The following SRGAP3 variants were observed in gnomAD, a reference collection of about 807,000 sequenced individuals.
SRGAP3 encodes SLIT-ROBO Rho GTPase activating protein 3, also known as SLIT-ROBO Rho GTPase-activating protein 3.
In SRGAP3, 39 loss-of-function variants were observed where a neutral mutation model predicts 121.1. That is an observed-to-expected ratio of 0.32 (90% confidence interval 0.25 to 0.42). SRGAP3 has a LOEUF of 0.42. SRGAP3 is among the 10% of genes least tolerant of loss of function. SRGAP3 has a pLI of 1.00. For synonymous variants in SRGAP3, 601 were observed against 570.0 expected, an observed-to-expected ratio of 1.05 and a Z score of -0.77; for missense variants, 1,213 against 1,470.6, an observed-to-expected ratio of 0.82 and a Z score of 2.86.
rs996086968 is a variant in SRGAP3 at position 9,064,641 on chromosome 3, G to C, written c.487-60C>G. ...GCTATGGCCCAGCACGGCCCTCCCTGTTACTCCTGGCTCCATACCAAGTTC... is the reference window on the plus strand; with the variant it reads ...GCTATGGCCCAGCACGGCCCTCCCTCTTACTCCTGGCTCCATACCAAGTTC... On this transcript the variant is annotated intron_variant, in intron 4 of 21. Transcript: ENST00000383836. The C allele has an allele frequency of 5.3e-5, 84 of 1,586,984 alleles. No individual in the cohort carries two copies. The African/African-American group carries it at 9.3e-4, about 18-fold the overall frequency.
rs559984735 is a variant in SRGAP3, at chr3:8,982,351, T to C, written c.*3168A>G. On this transcript the variant is annotated 3_prime_UTR_variant, in exon 22 of 22. Transcript: ENST00000383836. ...GCTTTCAATAATGGTGATGAACAAGTAGGTAAACACCACTTCCCCTTGTAC... is the reference window on the plus strand; with the variant it reads ...GCTTTCAATAATGGTGATGAACAAGCAGGTAAACACCACTTCCCCTTGTAC... 1 of 226,206 alleles carries C rather than the reference T, an allele frequency of 4.4e-6. No homozygotes were observed. The highest frequency in any genetic ancestry group is 8.8e-6 in the Non-Finnish European group (1 of 113,480). The allele number at this position is 226,206 out of a possible 1,614,324, so 14.0% of individuals were successfully genotyped here. A position where few individuals can be genotyped will look rare whatever the true frequency, so the allele number is the denominator to read the frequency against.
chr3:9,073,573 AC>A (rs1188577195), intron 4 of SRGAP3, among the ~76,000 whole-genome samples: 1 of 152,298 alleles, frequency 6.6e-6, no homozygotes. Context: ...TGAGCTGGCC[AC>A]CTGGGCTCTC....
At chr3:9,305,674 CT>C (rs1376228969) in intron 3 of SRGAP3, among the ~76,000 whole-genome samples, 1 of 151,894 alleles carries the variant, frequency 6.6e-6, no homozygotes, top group Non-Finnish European at 1.5e-5. Flanking sequence ...GTTTTCTGTC[CT>C]TGTGATAGTT....
chr3:9,014,687 AAG>A (rs1943543796), intron 15 of SRGAP3: 1 of 152,174 alleles, frequency 6.6e-6, no homozygotes, highest in Admixed American at 6.6e-5. Context: ...GTGTGGAGGG[AAG>A]AGAGGAACAG....
intron 1 of SRGAP3, among the ~76,000 whole-genome samples, chr3:9,208,884 G>C (rs1480991035): frequency 6.6e-6 from 1 of 152,186 alleles, no homozygotes. Flanking sequence ...GCATTAACTG[G>C]AGCAAATGGC....
At chr3:9,125,666 TCACAGCTGAATGCCAATAAC>T (rs1398117136) in intron 1 of SRGAP3, among the ~76,000 whole-genome samples, 1 of 152,214 alleles carries the variant, frequency 6.6e-6, no homozygotes, top group Non-Finnish European at 1.5e-5. Flanking sequence ...GAGTTAAAAA[TCACAGCTGAATGCCAATAAC>T]CACATCCATT....
At position 8,982,700 on chromosome 3, in the gene SRGAP3, G is replaced by A. The variant is rs1240444597; in HGVS notation, c.*2819C>T. ...CATGCATAGTGCCAGATGAGGAAGTGGGAACAGGGGAGGGGGGCGGGAAAG... is the reference window on the plus strand; with the variant it reads ...CATGCATAGTGCCAGATGAGGAAGTAGGAACAGGGGAGGGGGGCGGGAAAG... On this transcript the variant is annotated 3_prime_UTR_variant, in exon 22 of 22. Coordinates refer to ENST00000383836, the MANE Select transcript of SRGAP3 (RefSeq NM_014850.4). 13 of 131,552 alleles carry A rather than the reference G, an allele frequency of 9.9e-5. No homozygotes were observed. The highest frequency in any genetic ancestry group is 1.9e-4 in the Non-Finnish European group (12 of 63,898). 8.1% of individuals were successfully genotyped at this position (131,552 alleles called of 1,614,324 possible).
rs376712507 is a variant in SRGAP3 at position 8,985,660 on chromosome 3, G to A, written c.3159C>T (p.Arg1053=). Residue 1053 remains arginine, a synonymous_variant, in exon 22 of 22, where the codon CGC becomes CGT. Transcript: ENST00000383836. The surrounding 1 kb of genome is among the most constrained non-coding windows in gnomAD (Gnocchi z 5.1). The part of the protein sequence containing the change: ...LSARLAGAQL[R]PPPMRPVRPV... ...GCCGCACGGGCCGCATGGGGGGCGG[G>A]CGGAGCTGGGCGCCAGCCAGGCGGG... 7.5e-6 allele frequency: 12 copies of A among 1,596,054 alleles called. No homozygotes were observed. Among genetic ancestry groups the A allele is most frequent in the Middle Eastern group, 1.8e-4 (1 of 5,516 alleles).
chr3:9,342,069 G>A (rs940918015), intron 1 of SRGAP3, among the ~76,000 whole-genome samples: 1 of 152,142 alleles, frequency 6.6e-6, no homozygotes, highest in Non-Finnish European at 1.5e-5. Flanking sequence ...CTAAAAATCA[G>A]GCCGGGGGTG....
intron 1 of SRGAP3, among the ~76,000 whole-genome samples, chr3:9,177,789 T>C (rs570434649): frequency 3.7e-4 from 57 of 152,306 alleles, no homozygotes; most frequent in African/African-American, 1.3e-3. Context: ...GAATTAACTT[T>C]AACTCCTACT....
chr3:9,216,706 C>A (rs1301744275), intron 1 of SRGAP3: 1 of 152,668 alleles, frequency 6.6e-6, no homozygotes, highest in Non-Finnish European at 1.5e-5. Context: ...TTTCCCGAGC[C>A]ATGGCTAAAA....
intron 1 of SRGAP3, among the ~76,000 whole-genome samples, chr3:9,133,098 T>C (rs1012764766): frequency 3.3e-5 from 5 of 150,884 alleles, no homozygotes; most frequent in African/African-American, 1.2e-4. Context: ...TTTACATATA[T>C]AGAATGTTAA....
intron 3 of SRGAP3, among the ~76,000 whole-genome samples, chr3:9,317,128 C>A (rs1004290237): frequency 6.6e-6 from 1 of 152,196 alleles, no homozygotes; most frequent in Non-Finnish European, 1.5e-5. Flanking sequence ...CCGCGTTCTT[C>A]CGAGAGCCTG....
At chr3:9,300,864 C>T (rs892873358) in intron 3 of SRGAP3, among the ~76,000 whole-genome samples, 4 of 152,116 alleles carry the variant, frequency 2.6e-5, no homozygotes, top group African/African-American at 9.7e-5. Flanking sequence ...TGATCCAACC[C>T]TAAATGTCTG....
intron 1 of SRGAP3, among the ~76,000 whole-genome samples, chr3:9,354,165 A>C (rs189921543): frequency 1.3e-3 from 197 of 152,290 alleles, no homozygotes; most frequent in East Asian, 4.6e-3. Flanking sequence ...AATAGGCTAA[A>C]CTTCAAGTAC....
intron 1 of SRGAP3, among the ~76,000 whole-genome samples, chr3:9,213,544 T>C (rs1018041054): frequency 6.6e-6 from 1 of 152,356 alleles, no homozygotes; most frequent in South Asian, 2.1e-4. Context: ...GCATCTTCCC[T>C]TGCTTAGGCT....
At chr3:9,083,151 T>C (rs990962651) in intron 3 of SRGAP3, among the ~76,000 whole-genome samples, 1 of 152,180 alleles carries the variant, frequency 6.6e-6, no homozygotes, top group Non-Finnish European at 1.5e-5. Context: ...CCCCTCCCCC[T>C]GATGTTTCCC....
intron 1 of SRGAP3, among the ~76,000 whole-genome samples, chr3:9,209,289 TA>T (rs1952363667): frequency 6.6e-6 from 1 of 152,074 alleles, no homozygotes; most frequent in South Asian, 2.1e-4. Context: ...AACTGACAAA[TA>T]AAAAAATTCA....
chr3:9,129,504 T>C (rs1168840010), intron 1 of SRGAP3, among the ~76,000 whole-genome samples: 1 of 151,250 alleles, frequency 6.6e-6, no homozygotes, highest in African/African-American at 2.4e-5. Flanking sequence ...AACCACTGCT[T>C]CAGAGCCCAC....
Sources: gnomAD v4.1 joint callset for allele counts (sites outside exome capture counted in the v4.1 genomes callset) on GRCh38, gnomAD v4.1.1 for gene constraint, Gnocchi (gnomAD v3.1) non-coding constraint, MANE v1.5 for transcripts, NCBI Gene and HGNC (gene_info 2026-07-23, HGNC 2026-07-21) for gene names.